The following EEIG2 variants were observed in gnomAD, a reference collection of about 807,000 sequenced individuals.
EEIG2 encodes the protein family with sequence similarity 102 member B.
chr1:108,615,199 C>T, the EEIG2 span, among the ~76,000 whole-genome samples: 1 of 152,086 alleles, frequency 6.6e-6, no homozygotes, highest in Non-Finnish European at 1.5e-5. Flanking sequence ...CTGCCCTTTA[C>T]TAGTTATCTG....
the EEIG2 span, among the ~76,000 whole-genome samples, chr1:108,599,817 C>A: frequency 6.6e-6 from 1 of 152,190 alleles, no homozygotes; most frequent in Non-Finnish European, 1.5e-5. Context: ...CATAGCCAAA[C>A]CCTGTCTCTT....
the EEIG2 span, among the ~76,000 whole-genome samples, chr1:108,632,946 A>ATT: frequency 0.93 from 123,438 of 132,198 alleles, 58,048 homozygotes; most frequent in Non-Finnish European, 0.98. Flanking sequence ...CATGCCCAGC[A>ATT]TTTTTTTTTT....
chr1:108,629,585 C>T, the EEIG2 span: 1 of 1,602,888 alleles, frequency 6.2e-7, no homozygotes, highest in Non-Finnish European at 8.5e-7. Context: ...ATGTGTATTG[C>T]AGAAGAAGGA....
chr1:108,632,111 CAAAAAAAAAAAA>C, the EEIG2 span, among the ~76,000 whole-genome samples: 66 of 65,394 alleles, frequency 1.0e-3, no homozygotes, highest in Non-Finnish European at 1.3e-3. Flanking sequence ...GAGACTGTCT[CAAAAAAAAAAAA>C]AAAAAAAAAA....
At chr1:108,589,606 A>G in the EEIG2 span, among the ~76,000 whole-genome samples, 2 of 151,686 alleles carry the variant, frequency 1.3e-5, no homozygotes, top group South Asian at 4.2e-4. Context: ...TGCTTCTCCC[A>G]CTGTTGACGT....
At chr1:108,597,831 AAG>A in the EEIG2 span, among the ~76,000 whole-genome samples, 17 of 152,306 alleles carry the variant, frequency 1.1e-4, no homozygotes, top group South Asian at 6.2e-4. Flanking sequence ...AGAAAAGTAA[AAG>A]AGTTTTATTG....
the EEIG2 span, among the ~76,000 whole-genome samples, chr1:108,582,752 T>A: frequency 6.6e-6 from 1 of 152,070 alleles, no homozygotes; most frequent in Non-Finnish European, 1.5e-5. Context: ...ATCTTCAGGG[T>A]AGAAATGTCC....
the EEIG2 span, among the ~76,000 whole-genome samples, chr1:108,603,047 C>T: frequency 2.0e-5 from 3 of 152,194 alleles, no homozygotes; most frequent in Admixed American, 6.5e-5. Context: ...TAGCTTGTTG[C>T]AGACCACTGC....
chr1:108,566,800 C>T, the EEIG2 span, among the ~76,000 whole-genome samples: 32 of 152,058 alleles, frequency 2.1e-4, no homozygotes, highest in African/African-American at 7.2e-4. Context: ...AATACTGCAT[C>T]ATCTCACATA....
chr1:108,587,158 C>G, the EEIG2 span, among the ~76,000 whole-genome samples: 1 of 152,102 alleles, frequency 6.6e-6, no homozygotes, highest in Non-Finnish European at 1.5e-5. Flanking sequence ...ATATCAACTT[C>G]TGGGTTTTGT....
chr1:108,576,258 T>G, the EEIG2 span, among the ~76,000 whole-genome samples: 1 of 152,334 alleles, frequency 6.6e-6, no homozygotes, highest in South Asian at 2.1e-4. Flanking sequence ...CGGTAATATC[T>G]TGTTTTATCT....
chr1:108,615,008 A>AT, the EEIG2 span, among the ~76,000 whole-genome samples: 1 of 152,200 alleles, frequency 6.6e-6, no homozygotes. Flanking sequence ...AGCAGGATAG[A>AT]TTTGGCATTT....
chr1:108,560,111 AGCGGCGGCGGAG>A, the EEIG2 span: 4 of 173,492 alleles, frequency 2.3e-5, no homozygotes, highest in Non-Finnish European at 4.5e-5. Flanking sequence ...GACGGGCGGC[AGCGGCGGCGGAG>A]GCGGCGGCGG....
At chr1:108,588,662 G>T in the EEIG2 span, among the ~76,000 whole-genome samples, 137 of 149,340 alleles carry the variant, frequency 9.2e-4, no homozygotes, top group African/African-American at 3.2e-3. Flanking sequence ...TACTCTCTTA[G>T]TGTTTGTCTT....
the EEIG2 span, among the ~76,000 whole-genome samples, chr1:108,586,901 C>T: frequency 6.6e-6 from 1 of 152,136 alleles, no homozygotes; most frequent in Non-Finnish European, 1.5e-5. Context: ...AAAGTAAAGT[C>T]TCTTTGGAAG....
At chr1:108,636,703 ATTTTT>A in the EEIG2 span, 1 of 152,096 alleles carries the variant, frequency 6.6e-6, no homozygotes, top group African/African-American at 2.4e-5. Context: ...TATACTTTTT[ATTTTT>A]TAAGATTTAT....
chr1:108,589,279 C>T, the EEIG2 span, among the ~76,000 whole-genome samples: 1 of 152,086 alleles, frequency 6.6e-6, no homozygotes, highest in Non-Finnish European at 1.5e-5. Context: ...AGCACTAAAC[C>T]ATGCTTAAGT....
At chr1:108,622,920 C>A in the EEIG2 span, among the ~76,000 whole-genome samples, 1 of 152,092 alleles carries the variant, frequency 6.6e-6, no homozygotes, top group South Asian at 2.1e-4. Context: ...TGTGGTTTTC[C>A]TCTGCAATAT....
chr1:108,602,813 G>A, the EEIG2 span, among the ~76,000 whole-genome samples: 1 of 152,116 alleles, frequency 6.6e-6, no homozygotes, highest in Admixed American at 6.6e-5. Context: ...CCAGAAGGCT[G>A]CAGTGAGCCA....
Sources: allele counts gnomAD v4.1 joint callset (sites outside exome capture counted in the v4.1 genomes callset), GRCh38; gene constraint gnomAD v4.1.1; transcripts MANE v1.5; gene names NCBI Gene and HGNC (gene_info 2026-07-23, HGNC 2026-07-21).